The following CCND3 variants were observed in gnomAD, a reference collection of about 807,000 sequenced individuals.
CCND3 encodes the protein G1/S-specific cyclin-D3.
In CCND3, 9 loss-of-function variants were observed where a neutral mutation model predicts 28.7. The observed-to-expected ratio is 0.31, with a 90% CI of 0.19 to 0.55. The LOEUF (loss-of-function observed/expected upper bound fraction) is 0.55. Among genes scored for constraint, CCND3 ranks in the 20% least tolerant of loss-of-function variants. The pLI, the probability that CCND3 is intolerant of heterozygous loss-of-function variation, is 0.93. For synonymous variants in CCND3, 164 were observed against 163.9 expected, an observed-to-expected ratio of 1.00 and a Z score of 0.00; for missense variants, 315 against 385.8, an observed-to-expected ratio of 0.82 and a Z score of 1.54.
intron 1 of CCND3, among the ~76,000 whole-genome samples, chr6:41,974,279 G>T (rs1386887678): frequency 6.6e-6 from 1 of 152,166 alleles, no homozygotes; most frequent in East Asian, 1.9e-4. Context: ...CTCCACGAGT[G>T]ATTTCTAAAT....
At chr6:42,036,047 T>C (rs1561997788) in intron 1 of CCND3, among the ~76,000 whole-genome samples, 2 of 149,722 alleles carry the variant, frequency 1.3e-5, no homozygotes, top group Admixed American at 6.7e-5. Context: ...CTGGAGTGCA[T>C]TGGCCCAATG....
chr6:41,964,515 AGTGT>A (rs1561964246), intron 1 of CCND3, among the ~76,000 whole-genome samples: 3 of 149,672 alleles, frequency 2.0e-5, no homozygotes, highest in Non-Finnish European at 3.0e-5. Context: ...TGTGTGTGTG[AGTGT>A]GTATGTGTGT....
chr6:41,972,129 G>A (rs1762047434), intron 1 of CCND3, among the ~76,000 whole-genome samples: 1 of 150,276 alleles, frequency 6.7e-6, no homozygotes, highest in Non-Finnish European at 1.5e-5. Flanking sequence ...GCGGGAGGCT[G>A]AGGCAGGAGA....
intron 1 of CCND3, among the ~76,000 whole-genome samples, chr6:41,983,188 G>A (rs1380131530): frequency 6.6e-6 from 1 of 152,044 alleles, no homozygotes; most frequent in African/African-American, 2.4e-5. Context: ...GACCAGCCTG[G>A]CCAACATGGC....
In CCND3 at chr6:42,048,744, G is replaced by A. The variant is rs545278428; in HGVS notation, c.-289C>T. ...GCTGGGCAGGAAGTGGGGAAGAGGG[G>A]GCGGAGGAGACAAAGGGGCTGGTGC... On this transcript the variant is annotated 5_prime_UTR_variant, in exon 1 of 5. Transcript: ENST00000372988. The surrounding 1 kb of genome is among the most constrained non-coding windows in gnomAD (Gnocchi z 4.7). 245 of 489,790 alleles carry A rather than the reference G, an allele frequency of 5.0e-4. No individual in the cohort carries two copies. The highest frequency in any genetic ancestry group is 4.4e-3 in the Middle Eastern group (10 of 2,270). 30.3% of individuals were successfully genotyped at this position (489,790 alleles called of 1,614,324 possible). A position where few individuals can be genotyped will look rare whatever the true frequency, so the allele number is the denominator to read the frequency against.
At chr6:42,007,218 G>T (rs1763201741) in intron 1 of CCND3, among the ~76,000 whole-genome samples, 1 of 152,048 alleles carries the variant, frequency 6.6e-6, no homozygotes, top group African/African-American at 2.4e-5. Context: ...TACACTTATT[G>T]GTTGTTTCAT....
At chr6:42,025,244 G>A (rs1169222028) in intron 1 of CCND3, among the ~76,000 whole-genome samples, 2 of 152,116 alleles carry the variant, frequency 1.3e-5, no homozygotes, top group African/African-American at 2.4e-5. Flanking sequence ...AGGGCAGGGG[G>A]ACCTCTCTTC....
chr6:41,946,300 T>TA (rs540664367), upstream of CCND3, among the ~76,000 whole-genome samples: 576 of 151,818 alleles, frequency 3.8e-3, 5 homozygotes, highest in African/African-American at 0.013. Flanking sequence ...TTGCGGGACT[T>TA]AAAAGCACAA....
intron 1 of CCND3, among the ~76,000 whole-genome samples, chr6:41,984,218 T>C (rs1436316749): frequency 2.0e-5 from 3 of 152,230 alleles, no homozygotes; most frequent in African/African-American, 7.2e-5. Context: ...TGATTGTATA[T>C]CTTGGCAATT....
chr6:42,011,342 C>T (rs1359033136), intron 1 of CCND3, among the ~76,000 whole-genome samples: 1 of 152,106 alleles, frequency 6.6e-6, no homozygotes, highest in Non-Finnish European at 1.5e-5. Flanking sequence ...CCAGGCTGGT[C>T]TCAAACTCCT....
chr6:41,974,260 C>T (rs1429710120), intron 1 of CCND3, among the ~76,000 whole-genome samples: 1 of 152,194 alleles, frequency 6.6e-6, no homozygotes, highest in African/African-American at 2.4e-5. Context: ...ACCCATACCC[C>T]ACTTCCAACT....
intron 1 of CCND3, among the ~76,000 whole-genome samples, chr6:41,950,796 C>T (rs989530980): frequency 5.3e-5 from 8 of 151,530 alleles, no homozygotes; most frequent in Non-Finnish European, 1.2e-4. Context: ...GCAAGCTCCG[C>T]CTCCCAGGTT....
At chr6:42,000,143 C>A (rs1250614943) in intron 1 of CCND3, among the ~76,000 whole-genome samples, 3 of 134,056 alleles carry the variant, frequency 2.2e-5, no homozygotes, top group East Asian at 4.4e-4. Flanking sequence ...AAAAACATTT[C>A]AAAAAAAATC....
chr6:41,998,441 C>CG, intron 1 of CCND3, among the ~76,000 whole-genome samples: 1 of 150,844 alleles, frequency 6.6e-6, no homozygotes, highest in East Asian at 2.0e-4. Flanking sequence ...CTCCACCTCC[C>CG]GGGTTCAAGT....
intron 1 of CCND3, among the ~76,000 whole-genome samples, chr6:41,956,568 C>T (rs1308326324): frequency 6.6e-6 from 1 of 152,146 alleles, no homozygotes; most frequent in Admixed American, 6.6e-5. Context: ...AGATTTTAAA[C>T]CCTTTACAGC....
At chr6:42,034,100 C>T (rs1395243137) in intron 1 of CCND3, among the ~76,000 whole-genome samples, 7 of 150,504 alleles carry the variant, frequency 4.7e-5, no homozygotes, top group South Asian at 2.1e-4. Context: ...TGGTGAGCTA[C>T]GATTGCACCA....
At chr6:41,961,752 A>C (rs1761725316) in intron 1 of CCND3, among the ~76,000 whole-genome samples, 1 of 150,592 alleles carries the variant, frequency 6.6e-6, no homozygotes, top group African/African-American at 2.4e-5. Flanking sequence ...TCCACCCCAA[A>C]CTCCCAGCCC....
intron 1 of CCND3, among the ~76,000 whole-genome samples, chr6:42,033,022 G>A (rs761134977): frequency 4.6e-5 from 7 of 152,180 alleles, no homozygotes; most frequent in Non-Finnish European, 1.0e-4. Flanking sequence ...TAAATGGCAA[G>A]TCGTTTTACT....
intron 1 of CCND3, among the ~76,000 whole-genome samples, chr6:41,980,488 C>A (rs2127411993): frequency 7.1e-6 from 1 of 141,374 alleles, no homozygotes; most frequent in Admixed American, 7.6e-5. Context: ...AAATTCTCTA[C>A]AAACTCTTTC....
Sources: gnomAD v4.1 joint callset for allele counts (sites outside exome capture counted in the v4.1 genomes callset) on GRCh38, gnomAD v4.1.1 for gene constraint, Gnocchi (gnomAD v3.1) non-coding constraint, MANE v1.5 for transcripts, NCBI Gene and HGNC (gene_info 2026-07-23, HGNC 2026-07-21) for gene names.